Variants in MDGA2 observed in about 807,000 individuals in gnomAD.
MDGA2 encodes the protein MAM domain-containing glycosylphosphatidylinositol anchor protein 2.
MDGA2 carries 40 observed loss-of-function variants against 117.8 expected under a neutral mutation model. That is an observed-to-expected ratio of 0.34 (90% CI 0.26 to 0.44). The LOEUF is 0.44. Ranked by LOEUF, MDGA2 falls within the 20% of genes least tolerant of loss-of-function variation. The pLI is 1.00. For missense variants in MDGA2, 1,123 were observed against 1,250.6 expected (o/e 0.90, Z 1.54); for synonymous variants, 452 against 439.0 (o/e 1.03, Z -0.37).
intron 1 of MDGA2, among the ~76,000 whole-genome samples, chr14:47,410,666 T>A (rs1778966961): frequency 6.6e-6 from 1 of 152,160 alleles, no homozygotes; most frequent in Admixed American, 6.6e-5. Flanking sequence ...GAACAACAAC[T>A]TTTCAAAGCT....
At chr14:47,184,630 C>T (rs1424016110) in intron 3 of MDGA2, among the ~76,000 whole-genome samples, 2 of 151,750 alleles carry the variant, frequency 1.3e-5, no homozygotes, top group African/African-American at 4.8e-5. Flanking sequence ...TTCTATGACA[C>T]TTCTTTAAAA....
intron 2 of MDGA2, among the ~76,000 whole-genome samples, chr14:47,268,021 G>C (rs965072636): frequency 1.3e-5 from 2 of 151,440 alleles, no homozygotes; most frequent in Non-Finnish European, 2.9e-5. Flanking sequence ...AACACAATAG[G>C]ACAAAGGCTA....
chr14:47,464,982 T>A (rs1040605893), intron 1 of MDGA2, among the ~76,000 whole-genome samples: 4 of 152,048 alleles, frequency 2.6e-5, no homozygotes, highest in African/African-American at 9.7e-5. Flanking sequence ...CAAAACAGCA[T>A]GATACTGGTA....
intron 2 of MDGA2, among the ~76,000 whole-genome samples, chr14:47,271,272 A>T (rs1441958230): frequency 6.6e-6 from 1 of 152,178 alleles, no homozygotes; most frequent in Non-Finnish European, 1.5e-5. Context: ...AGCACAATTA[A>T]TTGAAAATCC....
chr14:47,235,910 C>G (rs1886843271), intron 2 of MDGA2, among the ~76,000 whole-genome samples: 1 of 152,088 alleles, frequency 6.6e-6, no homozygotes, highest in African/African-American at 2.4e-5. Flanking sequence ...TATCTGAAGG[C>G]TAAAATTGGC....
chr14:47,614,639 T>A (rs1172144391), intron 1 of MDGA2, among the ~76,000 whole-genome samples: 1 of 152,246 alleles, frequency 6.6e-6, no homozygotes, highest in East Asian at 1.9e-4. Flanking sequence ...CCAAGTTTCC[T>A]GATTTAAAAC....
intron 1 of MDGA2, among the ~76,000 whole-genome samples, chr14:47,343,826 TA>T (rs1434181130): frequency 6.6e-6 from 1 of 152,042 alleles, no homozygotes. Flanking sequence ...TAAAATGCAT[TA>T]AAAAAAGAAA....
chr14:47,616,417 A>C (rs1350893102), intron 1 of MDGA2, among the ~76,000 whole-genome samples: 4 of 152,224 alleles, frequency 2.6e-5, no homozygotes, highest in Non-Finnish European at 4.4e-5. Flanking sequence ...AAAAAGAAGA[A>C]GACCTAAATT....
chr14:46,902,941 G>A (rs768321555), intron 10 of MDGA2, among the ~76,000 whole-genome samples: 58 of 152,124 alleles, frequency 3.8e-4, no homozygotes, highest in Non-Finnish European at 4.7e-4. Flanking sequence ...AGATGCAGGA[G>A]GCAAAAAGGG....
intron 1 of MDGA2, among the ~76,000 whole-genome samples, chr14:47,576,253 A>C (rs1294922480): frequency 6.6e-6 from 1 of 152,216 alleles, no homozygotes; most frequent in Admixed American, 6.5e-5. Flanking sequence ...AAAAAACATA[A>C]AAATCAGCTT....
intron 2 of MDGA2, among the ~76,000 whole-genome samples, chr14:47,232,033 C>T (rs1235181242): frequency 1.1e-4 from 16 of 152,008 alleles, no homozygotes; most frequent in African/African-American, 3.9e-4. Flanking sequence ...TTCCTGGACA[C>T]TCATCATCTC....
intron 3 of MDGA2, among the ~76,000 whole-genome samples, chr14:47,153,736 G>A (rs1448648627): frequency 1.3e-5 from 2 of 151,716 alleles, no homozygotes; most frequent in African/African-American, 4.8e-5. Context: ...CAGTTGGGCG[G>A]GAGGGCTTTG....
chr14:47,632,430 A>C (rs1411511749), intron 1 of MDGA2, among the ~76,000 whole-genome samples: 1 of 152,200 alleles, frequency 6.6e-6, no homozygotes, highest in Non-Finnish European at 1.5e-5. Flanking sequence ...CTAAATTACT[A>C]TTCCTAACTG....
chr14:47,004,390 A>G (rs2138504077), intron 8 of MDGA2, among the ~76,000 whole-genome samples: 1 of 151,890 alleles, frequency 6.6e-6, no homozygotes, highest in East Asian at 1.9e-4. Context: ...ATATATCCAC[A>G]TATATATGGG....
At chr14:47,361,705 G>T (rs111630823) in intron 1 of MDGA2, among the ~76,000 whole-genome samples, 95 of 152,168 alleles carry the variant, frequency 6.2e-4, no homozygotes, top group African/African-American at 2.2e-3. Flanking sequence ...TGAGTTCTTG[G>T]ACTGCTTACA....
intron 1 of MDGA2, among the ~76,000 whole-genome samples, chr14:47,474,332 G>C (rs1893791009): frequency 6.6e-6 from 1 of 152,064 alleles, no homozygotes; most frequent in Non-Finnish European, 1.5e-5. Flanking sequence ...AAATCAGAGA[G>C]GACACAAGCA....
At chr14:47,025,439 G>A (rs76131460) in intron 8 of MDGA2, among the ~76,000 whole-genome samples, 7,664 of 152,182 alleles carry the variant, frequency 0.05, 254 homozygotes, top group Admixed American at 0.092. Flanking sequence ...TGTTACAACA[G>A]AGATTTTGGC....
At chr14:47,050,592 T>C (rs2138721812) in intron 7 of MDGA2, among the ~76,000 whole-genome samples, 1 of 152,150 alleles carries the variant, frequency 6.6e-6, no homozygotes, top group East Asian at 1.9e-4. Flanking sequence ...GTAAATTTTA[T>C]TGTATATACT....
chr14:47,666,614 C>T (rs548179315), intron 1 of MDGA2, among the ~76,000 whole-genome samples: 10 of 152,248 alleles, frequency 6.6e-5, no homozygotes, highest in South Asian at 2.1e-4. Context: ...ACAGACCAAT[C>T]GGCTCTCTGT....
Sources: allele counts gnomAD v4.1 joint callset (sites outside exome capture counted in the v4.1 genomes callset), GRCh38; gene constraint gnomAD v4.1.1; transcripts MANE v1.5; gene names NCBI Gene and HGNC (gene_info 2026-07-23, HGNC 2026-07-21).